BAIAP2L1: variants seen among roughly 807,000 people sequenced by gnomAD.
The protein encoded by BAIAP2L1 is BAR/IMD domain containing adaptor protein 2 like 1, also known as BAR/IMD domain-containing adapter protein 2-like 1.
BAIAP2L1 carries 35 observed loss-of-function variants against 66.3 expected under a neutral mutation model. The ratio of observed to expected loss-of-function variants is 0.53; its 90% CI spans 0.40 to 0.70. The LOEUF is 0.70. Ranked by LOEUF, BAIAP2L1 falls within the 30% of genes least tolerant of loss-of-function variation. The pLI, the probability that BAIAP2L1 is intolerant of heterozygous loss-of-function variation, is 0.00. For missense variants in BAIAP2L1, 622 were observed against 656.9 expected (o/e 0.95, Z 0.58); for synonymous variants, 269 against 248.7 (o/e 1.08, Z -0.77).
intron 3 of BAIAP2L1, among the ~76,000 whole-genome samples, chr7:98,340,327 G>T (rs969075636): frequency 6.6e-6 from 1 of 152,074 alleles, no homozygotes; most frequent in South Asian, 2.1e-4. Flanking sequence ...TTGCCTTGTC[G>T]CCCAGGCTGG....
chr7:98,335,152 CAAAAAAAAAAAAA>C (rs59557441), intron 3 of BAIAP2L1, among the ~76,000 whole-genome samples: 2 of 54,704 alleles, frequency 3.7e-5, no homozygotes, highest in African/African-American at 1.1e-4. Context: ...GACTCCATCT[CAAAAAAAAAAAAA>C]AAAAAAAAAA....
At chr7:98,355,712 A>C (rs755089208) in intron 2 of BAIAP2L1, among the ~76,000 whole-genome samples, 45 of 152,134 alleles carry the variant, frequency 3.0e-4, no homozygotes, top group Non-Finnish European at 3.2e-4. Flanking sequence ...TCTGGGTGAC[A>C]CAGCCAGATA....
rs149411042 is a variant in BAIAP2L1, at chr7:98,352,916, G to A, written c.214+2126C>T. ...GAGTCAGAGCACCATATGTTTTAATGTAAGGGTCACACATGTTTTCTTTCT... is the reference window on the plus strand; with the variant it reads ...GAGTCAGAGCACCATATGTTTTAATATAAGGGTCACACATGTTTTCTTTCT... On this transcript the variant is annotated intron_variant, in intron 3 of 13. Coordinates refer to ENST00000005260, the MANE Select transcript of BAIAP2L1 (RefSeq NM_018842.5). 4.6e-3 allele frequency among the ~76,000 whole-genome samples: 703 copies of A among 152,170 alleles called. 10 individuals are homozygous for A. The highest frequency in any genetic ancestry group is 0.016 in the African/African-American group (662 of 41,524).
intron 1 of BAIAP2L1, among the ~76,000 whole-genome samples, chr7:98,377,885 T>C (rs1802670564): frequency 6.9e-6 from 1 of 145,976 alleles, no homozygotes; most frequent in African/African-American, 2.5e-5. Context: ...TCCAGCACTT[T>C]GGGAGGCCGA....
In BAIAP2L1 at chr7:98,292,499, T is replaced by C. The variant is rs563650225; in HGVS notation, c.*1022A>G. On this transcript the variant is annotated 3_prime_UTR_variant, in exon 14 of 14. Transcript: ENST00000005260. ...TTAACCATGACTCTCCACTCCAAAA[T>C]AGGTCCAGATCCTTGGCAGCCAAAG... 1.1e-4 allele frequency: 89 copies of C among 806,464 alleles called. 1 individual carries two copies. In the Admixed American group the frequency reaches 1.2e-3, roughly 11 times the overall value. 50.0% of individuals were successfully genotyped at this position (806,464 alleles called of 1,614,324 possible).
intron 2 of BAIAP2L1, chr7:98,355,556 C>A (rs953226145): frequency 1.2e-3 from 135 of 116,424 alleles, no homozygotes; most frequent in Admixed American, 1.9e-3. Flanking sequence ...CCCGCCTCTA[C>A]AAAAAAAAAA....
intron 12 of BAIAP2L1, among the ~76,000 whole-genome samples, chr7:98,303,322 G>T (rs1460310077): frequency 6.6e-6 from 1 of 152,042 alleles, no homozygotes; most frequent in South Asian, 2.1e-4. Flanking sequence ...TGGCTCCTTC[G>T]CCCCAAAGCA....
At position 98,380,978 on chromosome 7, in the gene BAIAP2L1, G is replaced by T. The variant is rs77998959; in HGVS notation, c.52-18546C>A. 9.7e-3 allele frequency among the ~76,000 whole-genome samples: 1,470 copies of T among 152,122 alleles called. 28 individuals are homozygous for T. Among genetic ancestry groups the T allele is most frequent in the African/African-American group, 0.033 (1,375 of 41,472 alleles). ...ACAGCACAGCCCAGCATACTGAGAC[G>T]CACAGGTCATCCCCCGTCCTTTGGG... On this transcript the variant is annotated intron_variant, in intron 1 of 13. Transcript: ENST00000005260.
At position 98,294,736 on chromosome 7, in the gene BAIAP2L1, GAAATAA is replaced by G. The variant is rs139834212; in HGVS notation, c.1423-631_1423-626del. ...CTCCTGAAGCATGACAAAGAAACAG[GAAATAA>G]AAATAAAACCCCACTGGCTTTGGGG... is the stretch of plus-strand genomic sequence containing the variant. On this transcript the variant is annotated intron_variant, in intron 12 of 13. Transcript: ENST00000005260. Among the ~76,000 whole-genome samples the G allele has an allele frequency of 1.1e-4, 17 of 152,314 alleles. No homozygotes were observed. In the East Asian group the frequency reaches 3.3e-3, roughly 29 times the overall value.
chr7:98,315,424 A>T, intron 7 of BAIAP2L1, 36 bp downstream of exon 7: 1 of 1,365,466 alleles, frequency 7.3e-7, no homozygotes, highest in Non-Finnish European at 9.6e-7. Flanking sequence ...AAATAAAGTT[A>T]TTAATACGCT....
At chr7:98,301,468 T>C (rs1800417261) in intron 12 of BAIAP2L1, among the ~76,000 whole-genome samples, 1 of 128,330 alleles carries the variant, frequency 7.8e-6, no homozygotes, top group African/African-American at 2.7e-5. Flanking sequence ...CTAGCTTTTT[T>C]TTTTTGGTAT....
At chr7:98,388,140 G>A (rs187043138) in intron 1 of BAIAP2L1, among the ~76,000 whole-genome samples, 11 of 152,194 alleles carry the variant, frequency 7.2e-5, no homozygotes, top group Non-Finnish European at 1.3e-4. Context: ...GAATACCTAC[G>A]ATGCGCCAGA....
chr7:98,310,699 T>TATTTATTC (rs1457153467), intron 8 of BAIAP2L1, 107 bp from the exon 9 acceptor site: 5 of 930,166 alleles, frequency 5.4e-6, no homozygotes, highest in African/African-American at 1.7e-5. Flanking sequence ...TTTATTTATT[T>TATTTATTC]ATTTTGAGAC....
intron 2 of BAIAP2L1, among the ~76,000 whole-genome samples, chr7:98,356,021 C>CT: frequency 6.6e-6 from 1 of 152,088 alleles, no homozygotes; most frequent in African/African-American, 2.4e-5. Context: ...TCTACTTTTT[C>CT]TTTTTTGGCA....
chr7:98,329,136 T>C (rs1801438745), intron 3 of BAIAP2L1, among the ~76,000 whole-genome samples: 1 of 152,112 alleles, frequency 6.6e-6, no homozygotes, highest in African/African-American at 2.4e-5. Context: ...CGGTTTCCAC[T>C]CCAGCACGTC....
chr7:98,326,812 G>C (rs138574758), intron 3 of BAIAP2L1, among the ~76,000 whole-genome samples: 1 of 152,048 alleles, frequency 6.6e-6, no homozygotes, highest in Non-Finnish European at 1.5e-5. Context: ...GTGTTGACAA[G>C]GAAAGAGAGG....
At chr7:98,388,769 T>C (rs1562794304) in intron 1 of BAIAP2L1, among the ~76,000 whole-genome samples, 1 of 150,192 alleles carries the variant, frequency 6.7e-6, no homozygotes, top group Non-Finnish European at 1.5e-5. Context: ...AGCCCAGGAG[T>C]TCAAGACCAG....
At position 98,393,183 on chromosome 7, in the gene BAIAP2L1, ATG is replaced by A. The variant is rs916459316; in HGVS notation, c.51+7617_51+7618del. 1.9e-4 allele frequency among the ~76,000 whole-genome samples: 23 copies of A among 122,150 alleles called. 2 individuals carry two copies. Among genetic ancestry groups the A allele is most frequent in the African/African-American group, 5.3e-4 (20 of 37,890 alleles). 80.1% of individuals were successfully genotyped at this position (122,150 alleles called of 152,430 possible). ...CACATATATGTATATATATACATAT[ATG>A]TGTGTGTTTATATATATATGTAATT... On this transcript the variant is annotated intron_variant, in intron 1 of 13. Coordinates refer to ENST00000005260, the MANE Select transcript of BAIAP2L1 (RefSeq NM_018842.5).
In BAIAP2L1 at chr7:98,306,624, A is replaced by AAC. The variant is rs1441022130; in HGVS notation, c.1164-110_1164-109dup. 23 of 1,508,504 alleles carry AAC rather than the reference A, an allele frequency of 1.5e-5. No individual in the cohort carries two copies. In the Admixed American group the frequency reaches 4.4e-4, roughly 29 times the overall value. 93.4% of individuals were successfully genotyped at this position (1,508,504 alleles called of 1,614,324 possible). On this transcript the variant is annotated intron_variant, in intron 10 of 13. Transcript: ENST00000005260. Reference sequence around the variant, plus strand: ...GGGCAGACAGGTCCACTGCTCCAGAAACGCCCATGTGTGGAGGAAATGAAA... The same window carrying AAC: ...GGGCAGACAGGTCCACTGCTCCAGAAACACGCCCATGTGTGGAGGAAATGAAA...
Sources: gnomAD v4.1 joint callset for allele counts (sites outside exome capture counted in the v4.1 genomes callset) on GRCh38, gnomAD v4.1.1 for gene constraint, MANE v1.5 for transcripts, NCBI Gene and HGNC (gene_info 2026-07-23, HGNC 2026-07-21) for gene names.